HDC: variants seen among roughly 807,000 people sequenced by gnomAD.
The protein encoded by HDC is histidine decarboxylase.
Under a neutral mutation model 64.4 loss-of-function variants are expected in HDC, and 27 were observed. That is an observed-to-expected ratio of 0.42 (90% confidence interval 0.31 to 0.58). The LOEUF is 0.58. HDC is among the 20% of genes least tolerant of loss of function. The pLI, the probability that HDC is intolerant of heterozygous loss-of-function variation, is 0.16. For missense variants in HDC, 711 were observed against 833.9 expected (o/e 0.85, Z 1.81); for synonymous variants, 305 against 314.2 (o/e 0.97, Z 0.31).
At chr15:50,253,571 C>T (rs770802143) in intron 7 of HDC, 29 bp downstream of exon 7, 2 of 1,597,624 alleles carry the variant, frequency 1.3e-6, no homozygotes, top group South Asian at 1.1e-5. Context: ...TATTCCTTGT[C>T]TTCCTAGCCA....
At chr15:50,263,582 A>C (rs1197685181) in intron 1 of HDC, among the ~76,000 whole-genome samples, 175 bp from the exon 2 acceptor site, 1 of 152,116 alleles carries the variant, frequency 6.6e-6, no homozygotes, top group Non-Finnish European at 1.5e-5. Flanking sequence ...CAGGCGGATC[A>C]CGAGGTCAGG....
chr15:50,253,553 T>A, intron 7 of HDC, 47 bp downstream of exon 7: 1 of 1,538,576 alleles, frequency 6.5e-7, no homozygotes. Context: ...AGGAGACATT[T>A]AAAAATGTAT....
chr15:50,254,901 A>T (rs1288010816), intron 4 of HDC, among the ~76,000 whole-genome samples: 1 of 152,140 alleles, frequency 6.6e-6, no homozygotes, highest in Non-Finnish European at 1.5e-5. Flanking sequence ...TTCTAAAATA[A>T]GTTTGCACCT....
At chr15:50,265,316 A>AT (rs774342670) in intron 1 of HDC, among the ~76,000 whole-genome samples, 7 of 152,144 alleles carry the variant, frequency 4.6e-5, no homozygotes, top group Non-Finnish European at 7.4e-5. Flanking sequence ...CAAATCCTCA[A>AT]TTTTGTGGGA....
chr15:50,248,064 G>A lies in HDC; in HGVS notation c.1140+181C>T, dbSNP rs1387455744. ...CATCAGGCAGCCCTCAGGGCATGTT[G>A]TGCTCAGCGCTCCTCTGGTTAACAA... On this transcript the variant is annotated intron_variant, in intron 10 of 11. Transcript: ENST00000267845. The surrounding 1 kb of genome is among the most constrained non-coding windows in gnomAD (Gnocchi z 4.3). Among the ~76,000 whole-genome samples, 1 of 152,220 alleles carries A rather than the reference G, an allele frequency of 6.6e-6. No homozygotes were observed. Among genetic ancestry groups the A allele is most frequent in the Non-Finnish European group, 1.5e-5 (1 of 68,050 alleles).
Position 50,265,624 on chromosome 15 carries a change from C to T in HDC, c.-1G>A, listed in dbSNP as rs2045757168. The T allele has an allele frequency of 1.2e-6, 2 of 1,613,946 alleles. No homozygotes were observed. Among genetic ancestry groups the T allele is most frequent in the Non-Finnish European group, 8.5e-7 (1 of 1,179,820 alleles). Reference sequence around the variant, plus strand: ...CTCTGTACTCCTCAGGCTCCATCATCTCCCTTGGGCTCTGGCTCCTTCTCA... The same window carrying T: ...CTCTGTACTCCTCAGGCTCCATCATTTCCCTTGGGCTCTGGCTCCTTCTCA... On this transcript the variant is annotated 5_prime_UTR_variant, in exon 1 of 12. Transcript: ENST00000267845.
At chr15:50,254,464 C>G in intron 5 of HDC, 66 bp downstream of exon 5, 2 of 1,611,640 alleles carry the variant, frequency 1.2e-6, no homozygotes, top group Non-Finnish European at 1.7e-6. Context: ...AAAAAAATTG[C>G]TCAAGGACCA....
chr15:50,242,704 A>T lies in HDC; in HGVS notation c.1545T>A (p.Asp515Glu). The T allele has an allele frequency of 6.2e-7, 1 of 1,613,978 alleles. No individual in the cohort carries two copies. The highest frequency in any genetic ancestry group is 2.2e-5 in the East Asian group (1 of 44,868). The change falls in exon 12 of 12, where the codon GAT becomes GAA. Residue 515 changes from aspartate (D) to glutamate (E), a missense_variant. By Grantham distance (45) the Asp-to-Glu change is conservative. Around this residue, in one of 3 missense-constraint regions of HDC, gnomAD observed 483 missense variants for 540.9 expected, o/e 0.89. Transcript: ENST00000267845. ...TGATGATCTTCCTGGCCTGGACTGG[A>T]TCATCTCCTGCCCCACTGACAGACT... The part of the protein sequence containing the change: ...SLQSVSGAGD[D>E]PVQARKIIKQ...
At chr15:50,250,946 T>C (rs1031606546) in intron 9 of HDC, among the ~76,000 whole-genome samples, 7 of 152,186 alleles carry the variant, frequency 4.6e-5, no homozygotes, top group African/African-American at 1.7e-4. Flanking sequence ...TATAATCAAG[T>C]GATGACGAAG....
rs143453549 is a variant in HDC, at chr15:50,263,262, C to G, written c.177G>C (p.Gly59=). 6.2e-7 allele frequency: 1 copy of G among 1,614,140 alleles called. No homozygotes were observed. ...EDPDSWDSIF[G]DIERIIMPGV... ...CAGGCATGATGATTCGTTCAATGTCCCCAAAGATGCTGTCCCAGCTGTCGG... is the reference window on the plus strand; with the variant it reads ...CAGGCATGATGATTCGTTCAATGTCGCCAAAGATGCTGTCCCAGCTGTCGG... The change falls in exon 2 of 12, where the codon GGG becomes GGC. Residue 59 remains glycine (G), a synonymous_variant. Transcript: ENST00000267845.
intron 10 of HDC, among the ~76,000 whole-genome samples, chr15:50,246,264 T>C (rs1447905883): frequency 6.6e-6 from 1 of 152,246 alleles, no homozygotes; most frequent in South Asian, 2.1e-4. Flanking sequence ...CAAGTGTCAA[T>C]AATTATCATC....
rs555275844 is a variant in HDC, at chr15:50,255,987, G to A, written c.442-1323C>T. ...ACTAACTCAAGTTCACATGGCTGAC[G>A]ATACAGGAGAAAGCATGGTTTGGAT... On this transcript the variant is annotated intron_variant, in intron 4 of 11. Transcript: ENST00000267845. Among the ~76,000 whole-genome samples, 8 of 152,294 alleles carry A rather than the reference G, an allele frequency of 5.3e-5. No homozygotes were observed. The South Asian group carries it at 6.2e-4, about 12-fold the overall frequency.
chr15:50,254,673 G>T lies in HDC; in HGVS notation c.442-9C>A, dbSNP rs201209561. ...GATTCACTGACCGTGCTCTGCAGGG[G>T]AAAAGGATTATCATGGCAGCCTTTC... is the stretch of plus-strand genomic sequence containing the variant. On this transcript the variant is annotated splice_polypyrimidine_tract_variant and intron_variant, in intron 4 of 11. Coordinates refer to ENST00000267845, the MANE Select transcript of HDC (RefSeq NM_002112.4). 7.5e-5 allele frequency: 121 copies of T among 1,613,746 alleles called. No homozygotes were observed. The highest frequency in any genetic ancestry group is 9.9e-5 in the Non-Finnish European group (117 of 1,179,842).
At position 50,242,017 on chromosome 15, in the gene HDC, G is replaced by A; in HGVS notation, c.*243C>T. The A allele has an allele frequency of 3.4e-6, 2 of 582,268 alleles. No individual in the cohort carries two copies. Among genetic ancestry groups the A allele is most frequent in the Non-Finnish European group, 3.1e-6 (1 of 327,368 alleles). The allele number at this position is 582,268 out of a possible 1,614,324, so 36.1% of individuals were successfully genotyped here. A position where few individuals can be genotyped will look rare whatever the true frequency, so the allele number is the denominator to read the frequency against. Reference sequence around the variant, plus strand: ...TGTCACAAGCTGAACCACAGAAGCTGCCTGTCTACCCTCGGCCCTTTCTCA... The same window carrying A: ...TGTCACAAGCTGAACCACAGAAGCTACCTGTCTACCCTCGGCCCTTTCTCA... On this transcript the variant is annotated 3_prime_UTR_variant, in exon 12 of 12. Coordinates refer to ENST00000267845, the MANE Select transcript of HDC (RefSeq NM_002112.4).
intron 4 of HDC, 36 bp from the exon 5 acceptor site, chr15:50,254,700 G>T (rs202217188): frequency 1.2e-4 from 192 of 1,609,088 alleles, no homozygotes; most frequent in Non-Finnish European, 1.6e-4. Flanking sequence ...CAGCCTTTCT[G>T]TATTCTCTTG....
Position 50,254,224 on chromosome 15 carries a change from T to C in HDC, c.626A>G (p.Lys209Arg). 3 of 1,614,150 alleles carry C rather than the reference T, an allele frequency of 1.9e-6. No individual in the cohort carries two copies. The Admixed American group carries it at 5.0e-5, about 27-fold the overall frequency. ...GAAGTTGTCATCCACAGGCAGAAAT[T>C]TCATCTTCACAAGGGAAATCAAACC... Reference protein sequence around the residue: ...KAGLISLVKMKFLPVDDNFSL... With the variant: ...KAGLISLVKMRFLPVDDNFSL... The change falls in exon 6 of 12, where the codon AAA becomes AGA. Residue 209 changes from lysine to arginine, a missense_variant. Physicochemically the swap from Lys to Arg is conservative, Grantham distance 26. Coordinates refer to ENST00000267845, the MANE Select transcript of HDC (RefSeq NM_002112.4).
chr15:50,265,650 C>G lies in HDC; in HGVS notation c.-27G>C. The G allele has an allele frequency of 6.2e-7, 1 of 1,612,688 alleles. No individual in the cohort carries two copies. Among genetic ancestry groups the G allele is most frequent in the Non-Finnish European group, 8.5e-7 (1 of 1,178,718 alleles). On this transcript the variant is annotated 5_prime_UTR_variant, in exon 1 of 12. Transcript: ENST00000267845. ...TCCCTTGGGCTCTGGCTCCTTCTCA[C>G]AGATGGACACGCAGGAGGTGGAAGG...
intron 10 of HDC, among the ~76,000 whole-genome samples, chr15:50,243,892 G>C (rs368070881): frequency 1.3e-5 from 2 of 152,234 alleles, no homozygotes; most frequent in East Asian, 3.9e-4. Context: ...TTTCTGCTCG[G>C]GATGATGAAA....
chr15:50,242,817 G>A lies in HDC; in HGVS notation c.1432C>T (p.His478Tyr). Reference sequence around the variant, plus strand: ...CGAGGGCTGGGTTGGGAAGTACAGTGCTGACTCAGGATGAGAGTGGCAGCA... The same window carrying A: ...CGAGGGCTGGGTTGGGAAGTACAGTACTGACTCAGGATGAGAGTGGCAGCA... ...RDAATLILSQ[H>Y]CTSQPSPRVG... Residue 478 changes from histidine to tyrosine, a missense_variant, in exon 12 of 12, where the codon CAC (histidine) becomes TAC (tyrosine). Transcript: ENST00000267845. The A allele has an allele frequency of 6.2e-7, 1 of 1,614,074 alleles. No individual in the cohort carries two copies. The highest frequency in any genetic ancestry group is 8.5e-7 in the Non-Finnish European group (1 of 1,179,968).
Sources: allele counts gnomAD v4.1 joint callset (sites outside exome capture counted in the v4.1 genomes callset), GRCh38; gene constraint gnomAD v4.1.1; regional missense constraint gnomAD v4.1.1; non-coding constraint Gnocchi (gnomAD v3.1); transcripts MANE v1.5; gene names NCBI Gene and HGNC (gene_info 2026-07-23, HGNC 2026-07-21).